Variants in SCN11A observed in about 807,000 individuals in gnomAD.
SCN11A encodes sodium voltage-gated channel alpha subunit 11.
In SCN11A, 122 loss-of-function variants were observed where a neutral mutation model predicts 162.2. The ratio of observed to expected loss-of-function variants is 0.75; its 90% confidence interval spans 0.65 to 0.87. The LOEUF is 0.87. Among genes scored for constraint, SCN11A ranks in the 40% least tolerant of loss-of-function variants. The probability of loss-of-function intolerance (pLI) is 0.00; values close to 1 mark genes in which losing one functional copy is unlikely to be tolerated. For missense variants in SCN11A, 2,015 were observed against 2,181.6 expected, an observed-to-expected ratio of 0.92 and a Z score of 1.52; for synonymous variants, 758 against 751.5, an observed-to-expected ratio of 1.01 and a Z score of -0.14.
chr3:38,992,326 C>T (rs998348337), intron 2 of SCN11A, among the ~76,000 whole-genome samples: 1 of 152,218 alleles, frequency 6.6e-6, no homozygotes, highest in Admixed American at 6.5e-5. Flanking sequence ...ATGGCCACAT[C>T]ATCTGTGCAG....
intron 9 of SCN11A, among the ~76,000 whole-genome samples, chr3:38,923,601 T>C (rs2066088259): frequency 6.6e-6 from 1 of 152,206 alleles, no homozygotes; most frequent in East Asian, 1.9e-4. Context: ...GGAAATGCTA[T>C]TGTTTCTACC....
chr3:38,872,575 G>A (rs1242175112), intron 23 of SCN11A, among the ~76,000 whole-genome samples: 1 of 152,136 alleles, frequency 6.6e-6, no homozygotes, highest in Non-Finnish European at 1.5e-5. Flanking sequence ...AAAGAATCTT[G>A]TTATGGCAGT....
Position 38,959,852 on chromosome 3 carries a change from G to T in SCN11A, c.-139+431C>A, listed in dbSNP as rs142253348. Among the ~76,000 whole-genome samples, 246 of 152,334 alleles carry T rather than the reference G, an allele frequency of 1.6e-3. 1 individual carries two copies. Among genetic ancestry groups the T allele is most frequent in the African/African-American group, 5.3e-3 (222 of 41,580 alleles). On this transcript the variant is annotated intron_variant, in intron 3 of 29. Coordinates refer to ENST00000302328, the MANE Select transcript of SCN11A (RefSeq NM_001349253.2). ...TCAAAGTCAATCCCAAGATTAGTTT[G>T]CTAGCTCTTCAGTAAAGAAATCATG...
chr3:38,872,377 T>C (rs2065143196), intron 23 of SCN11A, 83 bp from the exon 24 acceptor site: 1 of 763,700 alleles, frequency 1.3e-6, no homozygotes, highest in Admixed American at 1.8e-5. Context: ...CTACCAAAGC[T>C]ACAGTCCATA....
intron 1 of SCN11A, among the ~76,000 whole-genome samples, chr3:39,042,399 T>C (rs1180570353): frequency 6.6e-6 from 1 of 152,074 alleles, no homozygotes; most frequent in Non-Finnish European, 1.5e-5. Flanking sequence ...AAGAAAAACA[T>C]TGGGAAAACA....
chr3:38,879,924 G>A, intron 23 of SCN11A, 26 bp downstream of exon 23: 3 of 1,602,284 alleles, frequency 1.9e-6, no homozygotes, highest in African/African-American at 2.7e-5. Flanking sequence ...CCCAGCCTGT[G>A]TGGGACACAG....
At chr3:39,030,028 C>T (rs1443141287) in intron 2 of SCN11A, among the ~76,000 whole-genome samples, 2 of 152,210 alleles carry the variant, frequency 1.3e-5, no homozygotes, top group East Asian at 1.9e-4. Flanking sequence ...TGCCAGCCCA[C>T]AGTGCTTGCT....
intron 2 of SCN11A, among the ~76,000 whole-genome samples, chr3:38,970,529 A>G (rs1291452759): frequency 1.3e-5 from 2 of 152,196 alleles, no homozygotes; most frequent in African/African-American, 4.8e-5. Context: ...GATACTAGAA[A>G]TCTTAGTTAA....
intron 23 of SCN11A, among the ~76,000 whole-genome samples, chr3:38,873,647 A>C (rs1377143834): frequency 1.3e-5 from 2 of 152,132 alleles, no homozygotes; most frequent in Non-Finnish European, 2.9e-5. Context: ...GTGAGAAGGG[A>C]TGTTCCTACA....
At chr3:38,930,918 A>T (rs1025435401) in intron 7 of SCN11A, among the ~76,000 whole-genome samples, 4 of 152,198 alleles carry the variant, frequency 2.6e-5, no homozygotes, top group Non-Finnish European at 5.9e-5. Flanking sequence ...GGGTATTTTA[A>T]TAGTGAAAAT....
Position 38,845,903 on chromosome 3 carries a change from T to TA in SCN11A, c.*790dup, listed in dbSNP as rs1222361555. On this transcript the variant is annotated 3_prime_UTR_variant, in exon 30 of 30. Transcript: ENST00000302328. ...ACAAACCCAAAATAATTAATGTTGG[T>TA]AAAAAATGTCTGCAATAAGCTATTC... 2 of 152,168 alleles carry TA rather than the reference T, an allele frequency of 1.3e-5. No individual in the cohort carries two copies. Among genetic ancestry groups the TA allele is most frequent in the East Asian group, 1.9e-4 (1 of 5,190 alleles). The allele number at this position is 152,168 out of a possible 1,614,324, so 9.4% of individuals were successfully genotyped here.
intron 1 of SCN11A, among the ~76,000 whole-genome samples, chr3:39,048,055 T>C (rs1279692059): frequency 2.0e-5 from 3 of 152,182 alleles, no homozygotes; most frequent in Non-Finnish European, 4.4e-5. Context: ...GTCAAAGAGA[T>C]ACCTGTCCTC....
chr3:39,051,435 T>C (rs1014006035), intron 1 of SCN11A, among the ~76,000 whole-genome samples: 1 of 152,208 alleles, frequency 6.6e-6, no homozygotes, highest in African/African-American at 2.4e-5. Context: ...AGCTCCATCA[T>C]GTCCCTACAA....
chr3:38,871,419 G>A (rs762095317), intron 25 of SCN11A, 26 bp downstream of exon 25: 1 of 1,550,046 alleles, frequency 6.5e-7, no homozygotes, highest in South Asian at 1.3e-5. Flanking sequence ...TCTCCTCAGA[G>A]TGAAAAACAT....
intron 6 of SCN11A, among the ~76,000 whole-genome samples, chr3:38,946,396 G>A (rs2066517185): frequency 6.6e-6 from 1 of 152,194 alleles, no homozygotes; most frequent in Admixed American, 6.5e-5. Context: ...ATACTGTGTA[G>A]GTCCAACACA....
At chr3:39,024,076 T>C (rs1389211439) in intron 2 of SCN11A, among the ~76,000 whole-genome samples, 1 of 152,162 alleles carries the variant, frequency 6.6e-6, no homozygotes, top group Non-Finnish European at 1.5e-5. Flanking sequence ...CCATCACAAG[T>C]GTCACTGCAG....
At chr3:38,898,186 T>A (rs2065638159) in intron 17 of SCN11A, among the ~76,000 whole-genome samples, 1 of 152,054 alleles carries the variant, frequency 6.6e-6, no homozygotes, top group Non-Finnish European at 1.5e-5. Flanking sequence ...TGCAGTGAGC[T>A]GAGATCACGC....
intron 7 of SCN11A, among the ~76,000 whole-genome samples, chr3:38,936,134 A>G (rs2066327696): frequency 6.6e-6 from 1 of 151,688 alleles, no homozygotes. Flanking sequence ...GATTATCTCA[A>G]TAGATGCAGA....
intron 11 of SCN11A, among the ~76,000 whole-genome samples, chr3:38,918,472 C>T (rs1441534485): frequency 6.6e-6 from 1 of 152,090 alleles, no homozygotes; most frequent in African/African-American, 2.4e-5. Context: ...CTAGGTTGCA[C>T]GCTCCTTATG....
Sources: allele counts gnomAD v4.1 joint callset (sites outside exome capture counted in the v4.1 genomes callset), GRCh38; gene constraint gnomAD v4.1.1; transcripts MANE v1.5; gene names NCBI Gene and HGNC (gene_info 2026-07-23, HGNC 2026-07-21).